The following PGM5 variants were observed in gnomAD, a reference collection of about 807,000 sequenced individuals.
The protein encoded by PGM5 is phosphoglucomutase 5.
PGM5 carries 23 observed loss-of-function variants against 59.2 expected under a neutral mutation model. The ratio of observed to expected loss-of-function variants is 0.39; its 90% CI spans 0.28 to 0.55. The LOEUF (loss-of-function observed/expected upper bound fraction) is 0.55, where lower values mean the gene tolerates loss of function less well. PGM5 is among the 20% of genes least tolerant of loss of function. The pLI is 0.66. For synonymous variants in PGM5, 214 were observed against 286.0 expected (o/e 0.75, Z 2.54); for missense variants, 574 against 748.3 (o/e 0.77, Z 2.72).
At chr9:68,513,459 A>G in intron 10 of PGM5, among the ~76,000 whole-genome samples, 1 of 152,372 alleles carries the variant, frequency 6.6e-6, no homozygotes, top group East Asian at 1.9e-4. Context: ...GTTAAGAAAT[A>G]AATGGGATGA....
In PGM5 at chr9:68,456,816, G is replaced by C. The variant is rs187021015; in HGVS notation, c.1044-8277G>C. Among the ~76,000 whole-genome samples, 279 of 151,526 alleles carry C rather than the reference G, an allele frequency of 1.8e-3. 2 individuals are homozygous for C. Among genetic ancestry groups the C allele is most frequent in the African/African-American group, 6.5e-3 (266 of 41,238 alleles). On this transcript the variant is annotated intron_variant, in intron 6 of 10. Transcript: ENST00000396396. ...ATTTTTTGTATTTTTAGTAGAAATG[G>C]GGTTTTGCCATCTTGGCCAGGCTGG... is the stretch of plus-strand genomic sequence containing the variant.
intron 8 of PGM5, among the ~76,000 whole-genome samples, chr9:68,480,123 A>G (rs1056885997): frequency 6.6e-6 from 1 of 152,122 alleles, no homozygotes; most frequent in African/African-American, 2.4e-5. Flanking sequence ...CTCAAGAGGA[A>G]CTCTGAACTG....
chr9:68,471,293 G>A (rs1824015127), intron 7 of PGM5, among the ~76,000 whole-genome samples: 1 of 152,114 alleles, frequency 6.6e-6, no homozygotes, highest in Non-Finnish European at 1.5e-5. Context: ...TGTCTAGTAA[G>A]GGACTTTTAA....
Position 68,382,569 on chromosome 9 carries a change from G to A in PGM5, c.425-1829G>A, listed in dbSNP as rs2259268. 2.1e-3 allele frequency among the ~76,000 whole-genome samples: 319 copies of A among 149,846 alleles called. 2 individuals carry two copies. Among genetic ancestry groups the A allele is most frequent in the African/African-American group, 7.4e-3 (301 of 40,892 alleles). ...TCCATTTTTCATTTATTTATTTTAT[G>A]CACTTTAAAATCTCTGGGTATTCTT... is the stretch of plus-strand genomic sequence containing the variant. On this transcript the variant is annotated intron_variant, in intron 2 of 10. Coordinates refer to ENST00000396396, the MANE Select transcript of PGM5 (RefSeq NM_021965.4).
chr9:68,471,882 G>A (rs138144323), intron 7 of PGM5, among the ~76,000 whole-genome samples: 5,095 of 151,578 alleles, frequency 0.034, 292 homozygotes, highest in African/African-American at 0.12. Context: ...TCGTGCTACT[G>A]CACTCCAGCC....
intron 6 of PGM5, among the ~76,000 whole-genome samples, chr9:68,439,568 C>G (rs1554683558): frequency 6.8e-6 from 1 of 147,664 alleles, no homozygotes; most frequent in Non-Finnish European, 1.5e-5. Context: ...GATGATCAAA[C>G]AGCTACAGAT....
intron 6 of PGM5, among the ~76,000 whole-genome samples, chr9:68,401,351 C>A (rs1554680580): frequency 6.6e-6 from 1 of 150,958 alleles, no homozygotes; most frequent in East Asian, 1.9e-4. Flanking sequence ...AAAGACGAAC[C>A]TTTTTTGGAA....
At chr9:68,395,683 T>G (rs1327578264) in intron 6 of PGM5, 14 of 152,182 alleles carry the variant, frequency 9.2e-5, no homozygotes, top group African/African-American at 3.1e-4. Context: ...CTGAGTATTT[T>G]CTTTATTTTG....
chr9:68,358,659 T>G lies in PGM5; in HGVS notation c.261+1271T>G, dbSNP rs575047190. On this transcript the variant is annotated intron_variant, in intron 1 of 10. Coordinates refer to ENST00000396396, the MANE Select transcript of PGM5 (RefSeq NM_021965.4). ...AACCCTCTCCTTTTCATTTTCTCATTTATTATTAAAAACATTTTTAAAGGA... is the reference window on the plus strand; with the variant it reads ...AACCCTCTCCTTTTCATTTTCTCATGTATTATTAAAAACATTTTTAAAGGA... Among the ~76,000 whole-genome samples the G allele has an allele frequency of 5.5e-4, 84 of 152,140 alleles. 1 individual carries two copies. Among genetic ancestry groups the G allele is most frequent in the Non-Finnish European group, 2.6e-4 (18 of 68,000 alleles).
chr9:68,422,517 C>G (rs1823150167), intron 6 of PGM5, among the ~76,000 whole-genome samples: 1 of 151,920 alleles, frequency 6.6e-6, no homozygotes, highest in Non-Finnish European at 1.5e-5. Context: ...GTCTCAAACT[C>G]CTAGGCTCAA....
intron 10 of PGM5, among the ~76,000 whole-genome samples, chr9:68,528,112 C>T (rs1825018997): frequency 6.6e-6 from 1 of 152,210 alleles, no homozygotes; most frequent in Admixed American, 6.5e-5. Context: ...ATTCCTCTCC[C>T]CCTCCCAAAA....
At chr9:68,384,252 T>C in intron 2 of PGM5, 146 bp from the exon 3 acceptor site, 2 of 617,402 alleles carry the variant, frequency 3.2e-6, no homozygotes, top group East Asian at 2.7e-5. Flanking sequence ...ATAAGAAATA[T>C]CAAGGCTAAT....
intron 6 of PGM5, chr9:68,397,293 C>T (rs2770862): frequency 2.0e-5 from 3 of 152,702 alleles, no homozygotes; most frequent in African/African-American, 4.8e-5. Context: ...ATCATCCTTC[C>T]ATAATATTTA....
chr9:68,517,449 A>T (rs1437941714), intron 10 of PGM5, among the ~76,000 whole-genome samples: 1 of 152,188 alleles, frequency 6.6e-6, no homozygotes, highest in Non-Finnish European at 1.5e-5. Context: ...ATACTTATTA[A>T]TATTAAAATT....
chr9:68,427,507 C>A (rs1554682765), intron 6 of PGM5, among the ~76,000 whole-genome samples: 2 of 152,200 alleles, frequency 1.3e-5, no homozygotes, highest in African/African-American at 4.8e-5. Context: ...TATCCAGCAT[C>A]ATAAGGCCAC....
intron 1 of PGM5, among the ~76,000 whole-genome samples, chr9:68,372,212 G>A (rs1445786539): frequency 7.9e-5 from 12 of 151,690 alleles, no homozygotes; most frequent in African/African-American, 2.9e-4. Flanking sequence ...CAGTTCTGGA[G>A]GCCAGAAGTC....
chr9:68,401,345 A>G (rs1822661677), intron 6 of PGM5, among the ~76,000 whole-genome samples: 1 of 151,118 alleles, frequency 6.6e-6, no homozygotes, highest in Non-Finnish European at 1.5e-5. Flanking sequence ...GAACTGAAAG[A>G]CGAACCTTTT....
At chr9:68,421,393 G>A (rs1395498003) in intron 6 of PGM5, among the ~76,000 whole-genome samples, 1 of 152,076 alleles carries the variant, frequency 6.6e-6, no homozygotes, top group African/African-American at 2.4e-5. Context: ...ATGGGCAACG[G>A]ATTCTCCATA....
At position 68,428,314 on chromosome 9, in the gene PGM5, C is replaced by T. The variant is rs1006464694; in HGVS notation, c.1043+35841C>T. ...GTTTCAAATGTCCCCAGGGAGACGG[C>T]TCTAGCACTGTTGTGTTGCATGGGA... On this transcript the variant is annotated intron_variant, in intron 6 of 10. Coordinates refer to ENST00000396396, the MANE Select transcript of PGM5 (RefSeq NM_021965.4). Among the ~76,000 whole-genome samples the T allele has an allele frequency of 2.6e-5, 4 of 152,290 alleles. No homozygotes were observed. In the South Asian group the frequency reaches 8.3e-4, roughly 32 times the overall value.
Sources: allele counts gnomAD v4.1 joint callset (sites outside exome capture counted in the v4.1 genomes callset), GRCh38; gene constraint gnomAD v4.1.1; transcripts MANE v1.5; gene names NCBI Gene and HGNC (gene_info 2026-07-23, HGNC 2026-07-21).